The following SLC3A1 variants were observed in gnomAD, a reference collection of about 807,000 sequenced individuals.
The protein encoded by SLC3A1 is solute carrier family 3 member 1, also known as amino acid transporter heavy chain SLC3A1.
A neutral mutation model predicts 60.3 loss-of-function variants in SLC3A1; 78 were observed. That is an observed-to-expected ratio of 1.29 (90% CI 1.08 to 1.56). The LOEUF (loss-of-function observed/expected upper bound fraction) is 1.56, where lower values mean the gene tolerates loss of function less well. Among genes scored for constraint, SLC3A1 ranks in the 40% most tolerant of loss-of-function variants. The probability of loss-of-function intolerance (pLI) is 0.00; values close to 1 mark genes in which losing one functional copy is unlikely to be tolerated. For synonymous variants in SLC3A1, 392 were observed against 307.9 expected, an observed-to-expected ratio of 1.27 and a Z score of -2.86; for missense variants, 1,172 against 858.9, an observed-to-expected ratio of 1.36 and a Z score of -4.56.
intron 4 of SLC3A1, among the ~76,000 whole-genome samples, chr2:44,294,242 T>C (rs1040851442): frequency 6.6e-6 from 1 of 152,036 alleles, no homozygotes; most frequent in African/African-American, 2.4e-5. Flanking sequence ...TGGTGGCTCA[T>C]GCCTGTAATC....
intron 1 of SLC3A1, among the ~76,000 whole-genome samples, chr2:44,278,211 G>A (rs913854263): frequency 3.3e-5 from 5 of 152,042 alleles, no homozygotes; most frequent in Non-Finnish European, 5.9e-5. Context: ...TTGGGAGGCC[G>A]AGGCAGGTGG....
rs115188944 is a variant in SLC3A1, at chr2:44,287,132, C to A, written c.891+975C>A. ...GGAATGCAGCAGTGAATAAAAGAAG[C>A]CTTACCCTCAAGGAGTCTCCAATAT... is the stretch of plus-strand genomic sequence containing the variant. On this transcript the variant is annotated intron_variant, in intron 4 of 9. Transcript: ENST00000260649. Among the ~76,000 whole-genome samples the A allele has an allele frequency of 2.6e-5, 4 of 152,196 alleles. No homozygotes were observed. In the South Asian group the frequency reaches 6.2e-4, roughly 24 times the overall value.
chr2:44,283,078 G>C (rs1454589352), intron 3 of SLC3A1, among the ~76,000 whole-genome samples: 1 of 152,070 alleles, frequency 6.6e-6, no homozygotes, highest in Non-Finnish European at 1.5e-5. Flanking sequence ...CCCTTGCCCG[G>C]GTTTGTGTTC....
chr2:44,277,625 C>T (rs553237940), intron 1 of SLC3A1, among the ~76,000 whole-genome samples: 8 of 152,238 alleles, frequency 5.3e-5, no homozygotes, highest in East Asian at 1.9e-4. Flanking sequence ...GACTCATGAC[C>T]TATGACCTGC....
intron 1 of SLC3A1, among the ~76,000 whole-genome samples, chr2:44,277,930 G>A (rs1397182417): frequency 6.6e-6 from 1 of 152,160 alleles, no homozygotes; most frequent in African/African-American, 2.4e-5. Context: ...CTTTGAGTCT[G>A]GTTTTGGTGA....
intron 4 of SLC3A1, among the ~76,000 whole-genome samples, chr2:44,298,603 C>G (rs1029683312): frequency 6.6e-6 from 1 of 152,202 alleles, no homozygotes; most frequent in African/African-American, 2.4e-5. Flanking sequence ...GTCACAAACT[C>G]CTGGCCTCAA....
intron 7 of SLC3A1, among the ~76,000 whole-genome samples, chr2:44,307,426 C>G (rs1443595028): frequency 6.6e-6 from 1 of 152,156 alleles, no homozygotes; most frequent in Non-Finnish European, 1.5e-5. Context: ...AACTGTTTTC[C>G]AAAGTAGTTA....
intron 6 of SLC3A1, among the ~76,000 whole-genome samples, chr2:44,301,963 G>GCTGAGGCAGT: frequency 6.6e-6 from 1 of 152,140 alleles, no homozygotes; most frequent in East Asian, 1.9e-4. Context: ...GCTGAGGCAG[G>GCTGAGGCAGT]AGAATTGCTT....
intron 4 of SLC3A1, among the ~76,000 whole-genome samples, chr2:44,290,075 T>A (rs1671707920): frequency 6.6e-6 from 1 of 151,728 alleles, no homozygotes; most frequent in Non-Finnish European, 1.5e-5. Flanking sequence ...TTGTCTGTGA[T>A]CCATTTTTTG....
At chr2:44,313,610 T>G (rs936510021) in intron 8 of SLC3A1, among the ~76,000 whole-genome samples, 2 of 152,260 alleles carry the variant, frequency 1.3e-5, no homozygotes, top group African/African-American at 4.8e-5. Context: ...AAAGTTCGAT[T>G]AGTATTGTCT....
At chr2:44,281,199 C>G (rs1572790382) in intron 2 of SLC3A1, among the ~76,000 whole-genome samples, 188 bp from the exon 3 acceptor site, 1 of 124,386 alleles carries the variant, frequency 8.0e-6, no homozygotes, top group African/African-American at 3.1e-5. Flanking sequence ...TGCTCTGTCT[C>G]CCAGGCTGGA....
At position 44,299,950 on chromosome 2, in the gene SLC3A1, AT is replaced by A. The variant is rs551929018; in HGVS notation, c.892-17del. The A allele has an allele frequency of 1.9e-5, 31 of 1,613,686 alleles. No homozygotes were observed. In the African/African-American group the frequency reaches 3.9e-4, roughly 20 times the overall value. On this transcript the variant is annotated intron_variant, in intron 4 of 9. Coordinates refer to ENST00000260649, the MANE Select transcript of SLC3A1 (RefSeq NM_000341.4). ...AATAACGTAGTTAATGTAACCAAGCATTTTGCTTCTTCATCTTTAGGAAATT... is the reference window on the plus strand; with the variant it reads ...AATAACGTAGTTAATGTAACCAAGCATTTGCTTCTTCATCTTTAGGAAATT...
At chr2:44,302,963 C>G (rs894546776) in intron 6 of SLC3A1, among the ~76,000 whole-genome samples, 2 of 152,008 alleles carry the variant, frequency 1.3e-5, no homozygotes, top group Non-Finnish European at 2.9e-5. Flanking sequence ...GTTTGGGAGG[C>G]CAAGGCAGGC....
intron 2 of SLC3A1, 128 bp downstream of exon 2, chr2:44,281,023 C>A: frequency 1.3e-6 from 1 of 782,888 alleles, no homozygotes; most frequent in East Asian, 2.7e-5. Context: ...CCCTCCCTTC[C>A]TTCTTTCTTT....
chr2:44,318,991 A>C (rs1323909113), intron 9 of SLC3A1: 1 of 152,248 alleles, frequency 6.6e-6, no homozygotes, highest in Non-Finnish European at 1.5e-5. Context: ...GTAGACAATA[A>C]TAGCTAACAC....
intron 3 of SLC3A1, among the ~76,000 whole-genome samples, chr2:44,284,608 G>A (rs1198064249): frequency 6.6e-6 from 1 of 152,032 alleles, no homozygotes; most frequent in Non-Finnish European, 1.5e-5. Flanking sequence ...TGTCACCCAG[G>A]CTGAAGCATA....
intron 6 of SLC3A1, among the ~76,000 whole-genome samples, chr2:44,302,292 C>G (rs1415297101): frequency 6.6e-6 from 1 of 151,966 alleles, no homozygotes; most frequent in African/African-American, 2.4e-5. Flanking sequence ...GCAATAACCT[C>G]TATAAGGCTG....
intron 6 of SLC3A1, chr2:44,301,546 C>G (rs1319605835): frequency 6.4e-6 from 2 of 313,256 alleles, no homozygotes; most frequent in Admixed American, 4.6e-5. Context: ...TGAGACCAGC[C>G]TGGCCAACAT....
intron 4 of SLC3A1, among the ~76,000 whole-genome samples, chr2:44,292,346 GC>G (rs1230271662): frequency 6.6e-6 from 1 of 152,094 alleles, no homozygotes; most frequent in South Asian, 2.1e-4. Flanking sequence ...TGCTTGATTA[GC>G]CATCTCTATG....
Sources: gnomAD v4.1 joint callset for allele counts (sites outside exome capture counted in the v4.1 genomes callset) on GRCh38, gnomAD v4.1.1 for gene constraint, MANE v1.5 for transcripts, NCBI Gene and HGNC (gene_info 2026-07-23, HGNC 2026-07-21) for gene names.